Variants in ARHGAP29 observed in about 807,000 individuals in gnomAD.
ARHGAP29 encodes the protein rho GTPase-activating protein 29.
ARHGAP29 carries 43 observed loss-of-function variants against 122.6 expected under a neutral mutation model. The observed-to-expected ratio is 0.35, with a 90% confidence interval of 0.27 to 0.45. The LOEUF (loss-of-function observed/expected upper bound fraction) is 0.45, where lower values mean the gene tolerates loss of function less well. Ranked by LOEUF, ARHGAP29 falls within the 20% of genes least tolerant of loss-of-function variation. The pLI, the probability that ARHGAP29 is intolerant of heterozygous loss-of-function variation, is 1.00. For missense variants in ARHGAP29, 1,303 were observed against 1,477.2 expected (o/e 0.88, Z 1.93); for synonymous variants, 506 against 497.1 (o/e 1.02, Z -0.24).
chr1:94,223,600 T>TATAC (rs1038808963), intron 2 of ARHGAP29, among the ~76,000 whole-genome samples: 15 of 152,056 alleles, frequency 9.9e-5, no homozygotes, highest in Non-Finnish European at 8.8e-5. Context: ...AAAAACTATA[T>TATAC]ATACATACAT....
chr1:94,189,410 T>G, intron 13 of ARHGAP29, 58 bp from the exon 14 acceptor site: 1 of 1,495,854 alleles, frequency 6.7e-7, no homozygotes. Context: ...TAATAATCAG[T>G]TGATTTCATT....
At chr1:94,303,674 G>A in the ARHGAP29 span, among the ~76,000 whole-genome samples, 1 of 152,182 alleles carries the variant, frequency 6.6e-6, no homozygotes, top group Non-Finnish European at 1.5e-5. Context: ...CATAGTAAGT[G>A]CTCATAAATA....
chr1:94,232,188 G>C (rs1220943398), intron 1 of ARHGAP29, among the ~76,000 whole-genome samples: 1 of 152,092 alleles, frequency 6.6e-6, no homozygotes, highest in Non-Finnish European at 1.5e-5. Context: ...CTTATTGTAT[G>C]ATCTATTCAT....
chr1:94,185,548 T>A, intron 16 of ARHGAP29, 67 bp from the exon 17 acceptor site: 1 of 1,351,820 alleles, frequency 7.4e-7, no homozygotes, highest in Non-Finnish European at 9.9e-7. Context: ...GATATCATAT[T>A]TTGAATAATC....
At chr1:94,311,064 C>G in the ARHGAP29 span, among the ~76,000 whole-genome samples, 1 of 152,200 alleles carries the variant, frequency 6.6e-6, no homozygotes. Context: ...TTGCCTCTCT[C>G]CTCTTGGCAA....
chr1:94,228,705 A>G (rs991059027), intron 2 of ARHGAP29, among the ~76,000 whole-genome samples: 1 of 151,814 alleles, frequency 6.6e-6, no homozygotes, highest in African/African-American at 2.4e-5. Context: ...TAAAATGAAA[A>G]GCGCCATATA....
chr1:94,217,130 T>A (rs1038194643), intron 3 of ARHGAP29, among the ~76,000 whole-genome samples: 2 of 151,828 alleles, frequency 1.3e-5, no homozygotes, highest in Non-Finnish European at 2.9e-5. Context: ...TATTCTGTAT[T>A]TTTTTTCTAT....
chr1:94,300,603 A>C, the ARHGAP29 span, among the ~76,000 whole-genome samples: 1 of 152,230 alleles, frequency 6.6e-6, no homozygotes, highest in Non-Finnish European at 1.5e-5. Context: ...TCTTCATAGA[A>C]TGTAATACAA....
In ARHGAP29 at chr1:94,213,272, C is replaced by T. The variant is rs572500014; in HGVS notation, c.341-3922G>A. 4.4e-4 allele frequency among the ~76,000 whole-genome samples: 67 copies of T among 152,258 alleles called. 1 individual carries two copies. The highest frequency in any genetic ancestry group is 1.2e-3 in the Admixed American group (19 of 15,300). On this transcript the variant is annotated intron_variant, in intron 3 of 22. Coordinates refer to ENST00000260526, the MANE Select transcript of ARHGAP29 (RefSeq NM_004815.4). ...TCGGCTCACTGCAAGCTCCTCCTCC[C>T]GGGTTCCCGCCATTCTCCTGCCTCA...
the ARHGAP29 span, among the ~76,000 whole-genome samples, chr1:94,305,938 G>A: frequency 1.3e-5 from 2 of 152,166 alleles, no homozygotes; most frequent in East Asian, 3.9e-4. Context: ...CAATCACCCT[G>A]CCTGACCACA....
chr1:94,174,347 T>G lies in ARHGAP29; in HGVS notation c.3308A>C (p.Gln1103Pro). The G allele has an allele frequency of 6.2e-7, 1 of 1,614,206 alleles. No homozygotes were observed. The change falls in exon 23 of 23, where the codon CAG (glutamine) becomes CCG (proline). Residue 1103 changes from glutamine (Q) to proline (P), a missense_variant. Physicochemically the swap from Gln to Pro is moderately conservative, Grantham distance 76. Coordinates refer to ENST00000260526, the MANE Select transcript of ARHGAP29 (RefSeq NM_004815.4). ...KTTMIMPSAL[Q>P]EKGVTTSLQI... ...GAGGCTTGTTGTCACTCCTTTTTCC[T>G]GGAGTGCACTGGGCATGATCATTGT...
intron 3 of ARHGAP29, among the ~76,000 whole-genome samples, chr1:94,213,344 C>A (rs1488762704): frequency 6.6e-6 from 1 of 152,044 alleles, no homozygotes; most frequent in Non-Finnish European, 1.5e-5. Context: ...CAGGCCCGGC[C>A]AATTTTTTTT....
the ARHGAP29 span, among the ~76,000 whole-genome samples, chr1:94,307,248 A>C: frequency 1.3e-5 from 2 of 152,214 alleles, no homozygotes; most frequent in Admixed American, 6.5e-5. Flanking sequence ...TGATGCCACT[A>C]TAAATACTTG....
chr1:94,188,646 T>C (rs1315215915), intron 15 of ARHGAP29, among the ~76,000 whole-genome samples, 191 bp downstream of exon 15: 1 of 152,114 alleles, frequency 6.6e-6, no homozygotes, highest in Non-Finnish European at 1.5e-5. Context: ...GCTTCTAATA[T>C]ACTGATAATC....
At chr1:94,244,981 A>G (rs1247654276) in intron 1 of ARHGAP29, among the ~76,000 whole-genome samples, 1 of 152,218 alleles carries the variant, frequency 6.6e-6, no homozygotes, top group Admixed American at 6.5e-5. Flanking sequence ...CTGGGCAATA[A>G]GCACATGAAA....
chr1:94,189,108 C>A (rs1649981466), intron 14 of ARHGAP29, 108 bp downstream of exon 14: 1 of 1,437,782 alleles, frequency 7.0e-7, no homozygotes, highest in African/African-American at 1.4e-5. Flanking sequence ...CATAAACTTA[C>A]AAACTAAGGC....
intron 7 of ARHGAP29, among the ~76,000 whole-genome samples, chr1:94,204,722 TTC>T (rs112808101): frequency 0.093 from 14,142 of 152,256 alleles, 986 homozygotes; most frequent in African/African-American, 0.19. Flanking sequence ...AAAATGTTTC[TTC>T]TCTGTTTCCA....
intron 15 of ARHGAP29, among the ~76,000 whole-genome samples, chr1:94,187,009 C>T (rs1179724188): frequency 1.3e-5 from 2 of 152,126 alleles, no homozygotes; most frequent in Admixed American, 6.5e-5. Flanking sequence ...TACAATTAAA[C>T]CAAAAGCTTT....
chr1:94,275,855 G>A (rs192686016), upstream of ARHGAP29, among the ~76,000 whole-genome samples: 1 of 152,144 alleles, frequency 6.6e-6, no homozygotes, highest in East Asian at 1.9e-4. Flanking sequence ...TGGGTTTTGG[G>A]TTTTTTGTTA....
Sources: allele counts gnomAD v4.1 joint callset (sites outside exome capture counted in the v4.1 genomes callset), GRCh38; gene constraint gnomAD v4.1.1; transcripts MANE v1.5; gene names NCBI Gene and HGNC (gene_info 2026-07-23, HGNC 2026-07-21).